The following ANO10 variants were observed in gnomAD, a reference collection of about 807,000 sequenced individuals.
ANO10 encodes the protein anoctamin-10.
A neutral mutation model predicts 74.7 loss-of-function variants in ANO10; 77 were observed. The observed-to-expected ratio is 1.03, with a 90% confidence interval of 0.86 to 1.25. ANO10 has a LOEUF of 1.25. Among genes scored for constraint, ANO10 ranks in the 50% most tolerant of loss-of-function variants. The probability of loss-of-function intolerance (pLI) is 0.00; values close to 1 mark genes in which losing one functional copy is unlikely to be tolerated. For missense variants in ANO10, 721 were observed against 778.1 expected, an observed-to-expected ratio of 0.93 and a Z score of 0.87; for synonymous variants, 279 against 284.9, an observed-to-expected ratio of 0.98 and a Z score of 0.21.
chr3:43,637,146 G>A (rs1162955792), intron 1 of ANO10, among the ~76,000 whole-genome samples: 1 of 151,996 alleles, frequency 6.6e-6, no homozygotes, highest in African/African-American at 2.4e-5. Flanking sequence ...CTCCAGCCTG[G>A]GTGACAGAGT....
Position 43,366,498 on chromosome 3 carries a change from T to C in ANO10, c.*408A>G, listed in dbSNP as rs1311241876. 4.0e-5 allele frequency: 14 copies of C among 351,462 alleles called. No individual in the cohort carries two copies. The highest frequency in any genetic ancestry group is 2.2e-5 in the Non-Finnish European group (4 of 181,340). The allele number at this position is 351,462 out of a possible 1,614,324, so 21.8% of individuals were successfully genotyped here. ...ACTGAGGCTCCTGTGATGAGCACAG[T>C]GGGCACACACCCCATCCCCAACCTG... On this transcript the variant is annotated 3_prime_UTR_variant, in exon 13 of 13. Coordinates refer to ENST00000292246, the MANE Select transcript of ANO10 (RefSeq NM_018075.5).
chr3:43,482,066 C>T (rs2076293384), intron 11 of ANO10, among the ~76,000 whole-genome samples: 2 of 151,506 alleles, frequency 1.3e-5, no homozygotes, highest in Admixed American at 1.3e-4. Context: ...GTAGCTGGGA[C>T]TACAGGTGCG....
intron 1 of ANO10, chr3:43,638,948 T>C (rs2083641589): frequency 6.6e-6 from 1 of 152,244 alleles, no homozygotes; most frequent in African/African-American, 2.4e-5. Flanking sequence ...CCTGCAGTCA[T>C]CTGAAGGCTT....
chr3:43,627,509 A>C (rs1476861161), intron 1 of ANO10, among the ~76,000 whole-genome samples: 1 of 152,228 alleles, frequency 6.6e-6, no homozygotes, highest in Non-Finnish European at 1.5e-5. Flanking sequence ...ACTGCTTCTT[A>C]ACACCCAGGA....
At chr3:43,684,490 A>C (rs1056382432) in intron 1 of ANO10, among the ~76,000 whole-genome samples, 27 of 152,216 alleles carry the variant, frequency 1.8e-4, no homozygotes, top group Non-Finnish European at 3.7e-4. Context: ...GTGGGACTGT[A>C]AACTCGTTCA....
At chr3:43,407,224 A>G (rs2092592115) in intron 12 of ANO10, among the ~76,000 whole-genome samples, 1 of 152,048 alleles carries the variant, frequency 6.6e-6, no homozygotes, top group South Asian at 2.1e-4. Flanking sequence ...TACTTTAGAG[A>G]TCACCTGGTC....
chr3:43,534,165 AAAG>A (rs1458630070), intron 11 of ANO10, among the ~76,000 whole-genome samples: 3 of 152,222 alleles, frequency 2.0e-5, no homozygotes, highest in African/African-American at 7.2e-5. Context: ...AAATTTAAAT[AAAG>A]AAGATAATTA....
chr3:43,445,299 GA>G (rs1274780573), intron 11 of ANO10, among the ~76,000 whole-genome samples: 3 of 152,036 alleles, frequency 2.0e-5, no homozygotes, highest in African/African-American at 7.2e-5. Context: ...AATAAAGCAT[GA>G]ACTTTAGTTA....
intron 11 of ANO10, among the ~76,000 whole-genome samples, chr3:43,517,211 T>C (rs2077747755): frequency 6.6e-6 from 1 of 152,250 alleles, no homozygotes; most frequent in African/African-American, 2.4e-5. Context: ...CAAGATTATA[T>C]GAATTTGATA....
intron 1 of ANO10, among the ~76,000 whole-genome samples, chr3:43,607,013 C>T (rs923436722): frequency 6.6e-6 from 1 of 152,066 alleles, no homozygotes; most frequent in Non-Finnish European, 1.5e-5. Context: ...TATAAAATTA[C>T]TTTTAGGCTA....
intron 1 of ANO10, among the ~76,000 whole-genome samples, chr3:43,647,175 G>GTGTGTGTGTGTGTGTGTGTA (rs1341776566): frequency 2.0e-5 from 3 of 151,600 alleles, no homozygotes. Context: ...GTGTGTGTGT[G>GTGTGTGTGTGTGTGTGTGTA]TGTGTGTGTG....
chr3:43,408,257 C>T (rs529095356), intron 12 of ANO10, among the ~76,000 whole-genome samples: 17 of 151,724 alleles, frequency 1.1e-4, no homozygotes, highest in African/African-American at 3.7e-4. Context: ...AGTTCTTGGT[C>T]ATAGAGAGTT....
intron 7 of ANO10, among the ~76,000 whole-genome samples, chr3:43,567,445 T>C (rs1042634747): frequency 9.2e-5 from 14 of 152,028 alleles, no homozygotes; most frequent in African/African-American, 3.1e-4. Context: ...AAGGTCGGGT[T>C]ACCCTTAAAG....
At chr3:43,560,457 T>A (rs1171493236) in intron 9 of ANO10, among the ~76,000 whole-genome samples, 1 of 152,082 alleles carries the variant, frequency 6.6e-6, no homozygotes, top group Non-Finnish European at 1.5e-5. Context: ...TCATTCAAGA[T>A]GAAAAACAAG....
chr3:43,386,176 A>C (rs1175306683), intron 12 of ANO10, among the ~76,000 whole-genome samples: 1 of 152,140 alleles, frequency 6.6e-6, no homozygotes, highest in Non-Finnish European at 1.5e-5. Flanking sequence ...TTTAGCTAGG[A>C]GAGTAGGAGA....
chr3:43,629,047 T>C (rs2083520609), intron 1 of ANO10, among the ~76,000 whole-genome samples: 1 of 152,196 alleles, frequency 6.6e-6, no homozygotes, highest in African/African-American at 2.4e-5. Flanking sequence ...TGAAAGTCCC[T>C]AATAAAAACT....
chr3:43,465,572 T>C (rs182879650), intron 11 of ANO10, among the ~76,000 whole-genome samples: 61 of 152,234 alleles, frequency 4.0e-4, no homozygotes, highest in African/African-American at 1.4e-3. Context: ...AGAATCAATT[T>C]AACCTGGTAG....
chr3:43,568,331 G>A (rs1247792995), intron 7 of ANO10, among the ~76,000 whole-genome samples: 2 of 152,034 alleles, frequency 1.3e-5, no homozygotes, highest in African/African-American at 2.4e-5. Flanking sequence ...TGCACCAAGT[G>A]GACCTAATAG....
At chr3:43,597,808 A>G (rs1021023274) in intron 4 of ANO10, among the ~76,000 whole-genome samples, 1 of 152,076 alleles carries the variant, frequency 6.6e-6, no homozygotes, top group Non-Finnish European at 1.5e-5. Flanking sequence ...GGTCCCAGCT[A>G]CTGGGGAGGC....
Sources: allele counts gnomAD v4.1 joint callset (sites outside exome capture counted in the v4.1 genomes callset), GRCh38; gene constraint gnomAD v4.1.1; transcripts MANE v1.5; gene names NCBI Gene and HGNC (gene_info 2026-07-23, HGNC 2026-07-21).